SCN8A: variants seen among roughly 807,000 people sequenced by gnomAD.
The protein encoded by SCN8A is sodium voltage-gated channel alpha subunit 8.
Under a neutral mutation model 184.1 loss-of-function variants are expected in SCN8A, and 30 were observed. The ratio of observed to expected loss-of-function variants is 0.16; its 90% CI spans 0.12 to 0.22. The LOEUF is 0.22. Ranked by LOEUF, SCN8A falls within the 10% of genes least tolerant of loss-of-function variation. SCN8A has a pLI of 1.00. For missense variants in SCN8A, 1,057 were observed against 2,498.9 expected (o/e 0.42, Z 12.30); for synonymous variants, 852 against 907.0 (o/e 0.94, Z 1.09).
intron 25 of SCN8A, among the ~76,000 whole-genome samples, chr12:51,791,122 C>T (rs147682432): frequency 3.5e-4 from 53 of 152,196 alleles, no homozygotes; most frequent in African/African-American, 1.1e-3. Flanking sequence ...TCCATATATC[C>T]GGTTGGATGG....
chr12:51,717,855 CA>C lies in SCN8A; in HGVS notation c.1636-3689del, dbSNP rs34089419. Reference sequence around the variant, plus strand: ...TATATAGCATATGGCATGTATCTAACAATGACATTTATATATAATTATCTAT... The same window carrying C: ...TATATAGCATATGGCATGTATCTAACATGACATTTATATATAATTATCTAT... On this transcript the variant is annotated intron_variant, in intron 11 of 26. Transcript: ENST00000627620. Among the ~76,000 whole-genome samples, 712 of 152,302 alleles carry C rather than the reference CA, an allele frequency of 4.7e-3. 2 individuals are homozygous for C. The highest frequency in any genetic ancestry group is 5.9e-3 in the Non-Finnish European group (402 of 68,022).
chr12:51,594,958 A>C (rs1301605776), intron 1 of SCN8A, among the ~76,000 whole-genome samples: 4 of 152,206 alleles, frequency 2.6e-5, no homozygotes, highest in Non-Finnish European at 4.4e-5. Context: ...AATCCTTTAG[A>C]AATGTTCCAA....
chr12:51,777,251 A>ATT (rs146256914), intron 20 of SCN8A, among the ~76,000 whole-genome samples: 23 of 149,030 alleles, frequency 1.5e-4, no homozygotes, highest in African/African-American at 3.7e-4. Context: ...CCCTGAATTT[A>ATT]TTTTTTTTTT....
chr12:51,746,393 A>G (rs1942512568), intron 13 of SCN8A, among the ~76,000 whole-genome samples: 1 of 152,198 alleles, frequency 6.6e-6, no homozygotes, highest in Admixed American at 6.5e-5. Flanking sequence ...CAAAGATACA[A>G]AATCATAGAA....
intron 11 of SCN8A, among the ~76,000 whole-genome samples, chr12:51,719,710 A>G (rs927905293): frequency 2.2e-4 from 32 of 147,490 alleles, no homozygotes; most frequent in Admixed American, 1.7e-3. Flanking sequence ...GTACATTCAA[A>G]TAAAATTCCC....
At chr12:51,775,294 C>G (rs1937654800) in intron 20 of SCN8A, among the ~76,000 whole-genome samples, 1 of 152,328 alleles carries the variant, frequency 6.6e-6, no homozygotes, top group South Asian at 2.1e-4. Context: ...GGTGAACTAC[C>G]TGTAGAGTAC....
intron 9 of SCN8A, among the ~76,000 whole-genome samples, chr12:51,705,024 CT>C (rs1941759495): frequency 6.6e-6 from 1 of 152,154 alleles, no homozygotes; most frequent in East Asian, 1.9e-4. Flanking sequence ...CAACTTGGAC[CT>C]GATTTCAGAG....
rs180675692 is a variant in SCN8A, at chr12:51,782,927, T to C, written c.3942+2156T>C. On this transcript the variant is annotated intron_variant, in intron 21 of 26. Transcript: ENST00000627620. ...AATGAATAATCAAAACAGTAGATAA[T>C]TTTATTTGAAAAGCATTACGATGTT... is the stretch of plus-strand genomic sequence containing the variant. Among the ~76,000 whole-genome samples, 99 of 152,322 alleles carry C rather than the reference T, an allele frequency of 6.5e-4. No homozygotes were observed. The East Asian group carries it at 0.015, about 23-fold the overall frequency.
intron 26 of SCN8A, among the ~76,000 whole-genome samples, chr12:51,801,223 T>C (rs920002327): frequency 1.3e-5 from 2 of 152,214 alleles, no homozygotes; most frequent in Non-Finnish European, 2.9e-5. Context: ...CTTTGACAGT[T>C]GAGTGCCCCC....
chr12:51,784,513 T>G (rs1938023517), intron 21 of SCN8A, among the ~76,000 whole-genome samples: 1 of 152,104 alleles, frequency 6.6e-6, no homozygotes, highest in South Asian at 2.1e-4. Context: ...GAGCCAAGAT[T>G]GCACCACTGC....
intron 9 of SCN8A, among the ~76,000 whole-genome samples, chr12:51,703,787 C>G (rs990169820): frequency 5.3e-5 from 8 of 152,144 alleles, no homozygotes; most frequent in Non-Finnish European, 1.0e-4. Flanking sequence ...ATGAAGGACC[C>G]TCTTTAAGGG....
intron 1 of SCN8A, among the ~76,000 whole-genome samples, chr12:51,615,197 A>G (rs1939808345): frequency 1.3e-5 from 2 of 152,042 alleles, no homozygotes; most frequent in South Asian, 2.1e-4. Flanking sequence ...AGGAATTACA[A>G]TGTACATACT....
intron 19 of SCN8A, 70 bp downstream of exon 19, chr12:51,770,753 C>A: frequency 6.5e-7 from 1 of 1,529,776 alleles, no homozygotes; most frequent in South Asian, 1.2e-5. Context: ...TGGGAAAAGG[C>A]TGAGGCCAAA....
In SCN8A at chr12:51,794,656, G is replaced by A; in HGVS notation, c.4795+15G>A. 1 of 1,612,144 alleles carries A rather than the reference G, an allele frequency of 6.2e-7. No individual in the cohort carries two copies. Among genetic ancestry groups the A allele is most frequent in the Non-Finnish European group, 8.5e-7 (1 of 1,178,622 alleles). ...CTCCATTGTGGGTGAGTGGGGTTGG[G>A]GAAGTAGGCGAGGGGAAAGGGGACC... On this transcript the variant is annotated intron_variant, in intron 26 of 26. Transcript: ENST00000627620.
At chr12:51,681,290 C>T (rs972534633) in intron 2 of SCN8A, among the ~76,000 whole-genome samples, 4 of 152,150 alleles carry the variant, frequency 2.6e-5, no homozygotes, top group African/African-American at 7.2e-5. Context: ...GCTCGAAGCT[C>T]GGCATAACAT....
chr12:51,734,317 C>T (rs1242863946), intron 12 of SCN8A, among the ~76,000 whole-genome samples: 2 of 152,174 alleles, frequency 1.3e-5, no homozygotes, highest in Admixed American at 6.5e-5. Context: ...GCCTTCAGAG[C>T]TGAGAGCCCC....
chr12:51,725,077 C>T (rs1395713388), intron 12 of SCN8A, among the ~76,000 whole-genome samples: 2 of 152,164 alleles, frequency 1.3e-5, no homozygotes, highest in Non-Finnish European at 2.9e-5. Flanking sequence ...CTTGAGAATT[C>T]CCAAAGTCAG....
intron 26 of SCN8A, among the ~76,000 whole-genome samples, chr12:51,803,505 T>C (rs1327378583): frequency 6.6e-6 from 1 of 151,998 alleles, no homozygotes; most frequent in African/African-American, 2.4e-5. Flanking sequence ...TCACAAGGAA[T>C]TGGGGTAAAA....
chr12:51,649,009 A>G (rs1940651202), intron 1 of SCN8A, among the ~76,000 whole-genome samples: 1 of 152,218 alleles, frequency 6.6e-6, no homozygotes, highest in South Asian at 2.1e-4. Flanking sequence ...AATTGGGGGT[A>G]CAGGTATTGG....
Sources: allele counts gnomAD v4.1 joint callset (sites outside exome capture counted in the v4.1 genomes callset), GRCh38; gene constraint gnomAD v4.1.1; transcripts MANE v1.5; gene names NCBI Gene and HGNC (gene_info 2026-07-23, HGNC 2026-07-21).